Variants in AGBL1 observed in about 807,000 individuals in gnomAD.
The protein encoded by AGBL1 is AGBL carboxypeptidase 1.
A neutral mutation model predicts 118.9 loss-of-function variants in AGBL1; 130 were observed. That is an observed-to-expected ratio of 1.09 (90% confidence interval 0.95 to 1.26). AGBL1 has a LOEUF of 1.26. Ranked by LOEUF, AGBL1 falls within the 50% of genes most tolerant of loss-of-function variation. The pLI is 0.00. For synonymous variants in AGBL1, 555 were observed against 478.9 expected (o/e 1.16, Z -2.08); for missense variants, 1,584 against 1,298.1 (o/e 1.22, Z -3.38).
At position 86,851,628 on chromosome 15, in the gene AGBL1, T is replaced by C. The variant is rs77070105; in HGVS notation, c.3159-55459T>C. Among the ~76,000 whole-genome samples the C allele has an allele frequency of 5.9e-3, 893 of 152,270 alleles. 2 individuals are homozygous for C. Among genetic ancestry groups the C allele is most frequent in the Non-Finnish European group, 9.8e-3 (669 of 68,032 alleles). ...TATCTGACTCATGAAACCCGCAAATTCTTCCATCCTCAGAGTCTCTAGAGT... is the reference window on the plus strand; with the variant it reads ...TATCTGACTCATGAAACCCGCAAATCCTTCCATCCTCAGAGTCTCTAGAGT... On this transcript the variant is annotated intron_variant, in intron 22 of 22. Coordinates refer to ENST00000614907, the MANE Select transcript of AGBL1 (RefSeq NM_001386094.1).
chr15:86,679,611 G>A (rs1490764324), intron 22 of AGBL1, among the ~76,000 whole-genome samples: 1 of 151,750 alleles, frequency 6.6e-6, no homozygotes, highest in African/African-American at 2.4e-5. Flanking sequence ...AGGCATTTAT[G>A]AGCATCCTCA....
chr15:86,292,631 AT>A (rs1290244456), intron 16 of AGBL1, among the ~76,000 whole-genome samples: 1 of 152,186 alleles, frequency 6.6e-6, no homozygotes, highest in African/African-American at 2.4e-5. Context: ...GGGGATATTT[AT>A]TGAGACCTTA....
At chr15:86,844,775 T>C (rs866784793) in intron 22 of AGBL1, among the ~76,000 whole-genome samples, 1 of 152,250 alleles carries the variant, frequency 6.6e-6, no homozygotes, top group Middle Eastern at 3.4e-3. Flanking sequence ...GTTAAGAAAT[T>C]TTTGCTTGCC....
intron 22 of AGBL1, among the ~76,000 whole-genome samples, chr15:86,719,876 T>C (rs902846283): frequency 3.9e-5 from 6 of 152,340 alleles, no homozygotes; most frequent in Admixed American, 1.3e-4. Flanking sequence ...GTGTTCAATG[T>C]CCAGCACATG....
At chr15:86,588,458 C>T (rs2142346394) in intron 21 of AGBL1, among the ~76,000 whole-genome samples, 1 of 152,330 alleles carries the variant, frequency 6.6e-6, no homozygotes, top group South Asian at 2.1e-4. Flanking sequence ...GAGGACTGGC[C>T]TGCCTGCTGT....
chr15:86,287,196 G>A (rs574052152), intron 16 of AGBL1, among the ~76,000 whole-genome samples: 54 of 152,058 alleles, frequency 3.6e-4, no homozygotes, highest in African/African-American at 1.3e-3. Context: ...ATTTTTATAA[G>A]GTTGTTTGTT....
At chr15:86,675,422 G>T (rs1380927897) in intron 22 of AGBL1, among the ~76,000 whole-genome samples, 1 of 152,100 alleles carries the variant, frequency 6.6e-6, no homozygotes, top group Non-Finnish European at 1.5e-5. Flanking sequence ...ATACTGCTTT[G>T]GAAGGCCGTG....
chr15:86,861,684 T>G (rs1186773306), intron 22 of AGBL1, among the ~76,000 whole-genome samples: 1 of 152,214 alleles, frequency 6.6e-6, no homozygotes, highest in Non-Finnish European at 1.5e-5. Context: ...TGGCATATAG[T>G]GAGGACACCA....
At chr15:86,490,351 G>A (rs2082763615) in intron 18 of AGBL1, among the ~76,000 whole-genome samples, 2 of 151,976 alleles carry the variant, frequency 1.3e-5, no homozygotes, top group Admixed American at 1.3e-4. Context: ...GTACCTGTAG[G>A]CATTTTAGCA....
intron 15 of AGBL1, among the ~76,000 whole-genome samples, chr15:86,273,217 G>C (rs2079190080): frequency 6.6e-6 from 1 of 152,178 alleles, no homozygotes; most frequent in African/African-American, 2.4e-5. Context: ...TTTCCCACAA[G>C]AGGGAAGAAG....
At chr15:86,240,847 G>A (rs2078630304) in intron 6 of AGBL1, among the ~76,000 whole-genome samples, 2 of 152,086 alleles carry the variant, frequency 1.3e-5, no homozygotes, top group Admixed American at 6.5e-5. Context: ...ATGATAGAGG[G>A]CCTCAAGTCC....
intron 9 of AGBL1, among the ~76,000 whole-genome samples, chr15:86,260,567 C>T (rs1453938259): frequency 2.0e-5 from 3 of 152,050 alleles, no homozygotes; most frequent in Admixed American, 2.0e-4. Flanking sequence ...CTTTCAGGTG[C>T]TTTATTGGGT....
intron 16 of AGBL1, among the ~76,000 whole-genome samples, chr15:86,285,813 G>T (rs546200721): frequency 6.6e-6 from 1 of 152,008 alleles, no homozygotes; most frequent in East Asian, 1.9e-4. Flanking sequence ...GCTTTGCCTC[G>T]TCCAACATTT....
chr15:87,028,480 A>T (rs1315966995), intron 24 of AGBL1, among the ~76,000 whole-genome samples: 1 of 151,980 alleles, frequency 6.6e-6, no homozygotes, highest in Non-Finnish European at 1.5e-5. Flanking sequence ...TGATGATAAT[A>T]TCAATAATAT....
intron 5 of AGBL1, among the ~76,000 whole-genome samples, chr15:86,169,857 A>G (rs2077391264): frequency 6.6e-6 from 1 of 152,184 alleles, no homozygotes; most frequent in Non-Finnish European, 1.5e-5. Flanking sequence ...CTGCCAAACA[A>G]ATATTAAAAG....
intron 18 of AGBL1, among the ~76,000 whole-genome samples, chr15:86,489,323 C>A (rs558988541): frequency 3.9e-5 from 6 of 152,190 alleles, no homozygotes; most frequent in Non-Finnish European, 7.4e-5. Context: ...AATGAATGAA[C>A]TGTCAAATCT....
chr15:86,392,166 A>T (rs2081297262), intron 17 of AGBL1, among the ~76,000 whole-genome samples: 1 of 152,120 alleles, frequency 6.6e-6, no homozygotes. Context: ...TTACAGCCAC[A>T]TACAAATGGG....
At chr15:86,435,173 C>G (rs987982650) in intron 18 of AGBL1, among the ~76,000 whole-genome samples, 8 of 151,652 alleles carry the variant, frequency 5.3e-5, no homozygotes, top group African/African-American at 1.9e-4. Context: ...CCAAGTAAAT[C>G]TCTACATAAG....
chr15:86,638,555 A>C lies in AGBL1; in HGVS notation c.2995-35718A>C, dbSNP rs563493259. On this transcript the variant is annotated intron_variant, in intron 21 of 22. Coordinates refer to ENST00000614907, the MANE Select transcript of AGBL1 (RefSeq NM_001386094.1). ...CTTGGTGGATGGCCACAGCTGAGGC[A>C]GCATTCTCCTTTATCTCCAAGACTC... is the stretch of plus-strand genomic sequence containing the variant. Among the ~76,000 whole-genome samples the C allele has an allele frequency of 2.2e-3, 339 of 152,266 alleles. 1 individual carries two copies. Among genetic ancestry groups the C allele is most frequent in the African/African-American group, 5.4e-3 (225 of 41,558 alleles).
Sources: gnomAD v4.1 joint callset for allele counts (sites outside exome capture counted in the v4.1 genomes callset) on GRCh38, gnomAD v4.1.1 for gene constraint, MANE v1.5 for transcripts, NCBI Gene and HGNC (gene_info 2026-07-23, HGNC 2026-07-21) for gene names.